The following UIMC1 variants were observed in gnomAD, a reference collection of about 807,000 sequenced individuals.
The protein encoded by UIMC1 is BRCA1-A complex subunit RAP80.
Under a neutral mutation model 84.9 loss-of-function variants are expected in UIMC1, and 42 were observed. That is an observed-to-expected ratio of 0.49 (90% CI 0.39 to 0.64). The LOEUF (loss-of-function observed/expected upper bound fraction) is 0.64. Among genes scored for constraint, UIMC1 ranks in the 30% least tolerant of loss-of-function variants. The pLI is 0.00. For missense variants in UIMC1, 825 were observed against 847.6 expected (o/e 0.97, Z 0.33); for synonymous variants, 281 against 293.0 (o/e 0.96, Z 0.42).
rs181011475 is a variant in UIMC1, at chr5:176,985,313, G to A, written c.-8-2690C>T. On this transcript the variant is annotated intron_variant, in intron 1 of 14. Transcript: ENST00000511320. ...TCTACTAAAAATACAAACATTAGCC[G>A]GGCGTGGTAGCGCATGCCTGTAATC... Among the ~76,000 whole-genome samples, 88 of 151,882 alleles carry A rather than the reference G, an allele frequency of 5.8e-4. No homozygotes were observed. The East Asian group carries it at 7.2e-3, about 12-fold the overall frequency.
At chr5:176,984,826 T>C (rs1057190898) in intron 1 of UIMC1, among the ~76,000 whole-genome samples, 3 of 152,214 alleles carry the variant, frequency 2.0e-5, no homozygotes, top group Middle Eastern at 3.2e-3. Flanking sequence ...ATGTGCTGTG[T>C]CAACTCAGGG....
chr5:176,908,427 G>T, intron 12 of UIMC1, 96 bp downstream of exon 12: 1 of 1,210,670 alleles, frequency 8.3e-7, no homozygotes, highest in Non-Finnish European at 1.1e-6. Context: ...GGGAAGAGGG[G>T]AGGGAGAAGA....
At chr5:177,004,947 G>A (rs1340392683) in intron 1 of UIMC1, among the ~76,000 whole-genome samples, 3 of 152,148 alleles carry the variant, frequency 2.0e-5, no homozygotes, top group Non-Finnish European at 2.9e-5. Context: ...CTGTCACCCA[G>A]GCTGGAGTGC....
chr5:176,905,451 T>G lies in UIMC1; in HGVS notation c.1991A>C (p.Glu664Ala). 1.2e-6 allele frequency: 2 copies of G among 1,614,142 alleles called. No homozygotes were observed. The highest frequency in any genetic ancestry group is 1.7e-6 in the Non-Finnish European group (2 of 1,180,002). ...PGMEEAGCSR[E>A]MQSSFTRRDL... ...ACGACGTGTGAAAGAACTCTGCATCTCTCTGCTGCAGCCTGCCTCTTCCAT... is the reference window on the plus strand; with the variant it reads ...ACGACGTGTGAAAGAACTCTGCATCGCTCTGCTGCAGCCTGCCTCTTCCAT... The change falls in exon 15 of 15, where the codon GAG becomes GCG. Residue 664 changes from glutamate to alanine, a missense_variant. Physicochemically the swap from Glu to Ala is moderately radical, Grantham distance 107. Transcript: ENST00000511320.
At chr5:176,989,748 T>C (rs1772528961) in intron 1 of UIMC1, among the ~76,000 whole-genome samples, 1 of 152,206 alleles carries the variant, frequency 6.6e-6, no homozygotes, top group Admixed American at 6.5e-5. Flanking sequence ...AGCTAGTTAT[T>C]ATTTAAGTAT....
At chr5:176,929,035 C>T (rs536780788) in intron 10 of UIMC1, among the ~76,000 whole-genome samples, 5 of 151,652 alleles carry the variant, frequency 3.3e-5, no homozygotes, top group Non-Finnish European at 7.4e-5. Context: ...GGGTAGATTA[C>T]GAGGTCAGGA....
At chr5:176,955,779 C>T (rs188672908) in intron 8 of UIMC1, among the ~76,000 whole-genome samples, 180 bp downstream of exon 8, 59 of 152,082 alleles carry the variant, frequency 3.9e-4, no homozygotes, top group Admixed American at 3.5e-3. Flanking sequence ...AGAATAAAAG[C>T]CAATGGCCAT....
At chr5:176,917,869 G>A (rs1761209013) in intron 10 of UIMC1, among the ~76,000 whole-genome samples, 1 of 152,162 alleles carries the variant, frequency 6.6e-6, no homozygotes, top group Non-Finnish European at 1.5e-5. Flanking sequence ...TGAGGCAGGA[G>A]AATTGCTTGA....
chr5:176,959,443 G>A (rs950816962), intron 6 of UIMC1, among the ~76,000 whole-genome samples: 4 of 152,108 alleles, frequency 2.6e-5, no homozygotes, highest in East Asian at 1.9e-4. Flanking sequence ...TTGGCCGGGC[G>A]CGGTGGCTCA....
chr5:176,970,939 T>C, intron 3 of UIMC1, 73 bp from the exon 4 acceptor site: 1 of 1,543,588 alleles, frequency 6.5e-7, no homozygotes. Context: ...AGAAAGAGAA[T>C]TATTAAACTT....
intron 9 of UIMC1, 75 bp from the exon 10 acceptor site, chr5:176,943,563 C>T: frequency 6.6e-7 from 1 of 1,525,180 alleles, no homozygotes; most frequent in South Asian, 1.3e-5. Flanking sequence ...CAAGAGACTC[C>T]ACCCCATATT....
chr5:176,937,701 T>G (rs6869225), intron 10 of UIMC1, among the ~76,000 whole-genome samples: 247 of 152,270 alleles, frequency 1.6e-3, no homozygotes, highest in African/African-American at 5.7e-3. Flanking sequence ...TAGGCATAAA[T>G]AGTAGACACT....
At chr5:176,937,942 G>A (rs1229365076) in intron 10 of UIMC1, among the ~76,000 whole-genome samples, 1 of 152,104 alleles carries the variant, frequency 6.6e-6, no homozygotes, top group East Asian at 1.9e-4. Flanking sequence ...TATAATCCCA[G>A]CACTTTGGGA....
intron 2 of UIMC1, among the ~76,000 whole-genome samples, chr5:176,979,853 C>G (rs923636183): frequency 1.3e-5 from 2 of 152,026 alleles, no homozygotes; most frequent in African/African-American, 4.8e-5. Flanking sequence ...ACCCAGAGAA[C>G]TAGTAAAGTA....
chr5:177,007,391 C>T (rs562675716), upstream of UIMC1, among the ~76,000 whole-genome samples: 4 of 150,088 alleles, frequency 2.7e-5, no homozygotes, highest in East Asian at 7.8e-4. Flanking sequence ...AATACAGACA[C>T]TCCTACAGGT....
intron 7 of UIMC1, among the ~76,000 whole-genome samples, chr5:176,957,087 T>C (rs1383088810): frequency 6.6e-6 from 1 of 152,144 alleles, no homozygotes; most frequent in Non-Finnish European, 1.5e-5. Context: ...CTACATCTGC[T>C]CTGCACAAGG....
chr5:176,905,934 T>C, intron 14 of UIMC1, 77 bp downstream of exon 14: 1 of 1,486,292 alleles, frequency 6.7e-7, no homozygotes, highest in South Asian at 1.1e-5. Flanking sequence ...AGTATCACAC[T>C]ACACACAGAA....
chr5:176,908,539 C>G lies in UIMC1; in HGVS notation c.1832G>C (p.Arg611Thr), dbSNP rs367619245. 4 of 1,613,726 alleles carry G rather than the reference C, an allele frequency of 2.5e-6. No individual in the cohort carries two copies. The African/African-American group carries it at 5.3e-5, about 22-fold the overall frequency. ...TACACATACCTTTGGGTTCTTCAGC[C>G]TCTGCTGCCACTTCCCCTCCACAGT... ...CSTVEGKWQQ[R>T]LKNPKEKGHS... Residue 611 changes from arginine (R) to threonine (T), a missense_variant, in exon 12 of 15, where the codon AGG becomes ACG. Transcript: ENST00000511320.
Position 176,906,017 on chromosome 5 carries a change from G to C in UIMC1, c.1943C>G (p.Ala648Gly), listed in dbSNP as rs147708784. 2.6e-5 allele frequency: 42 copies of C among 1,614,008 alleles called. No homozygotes were observed. In the Admixed American group the frequency reaches 3.8e-4, roughly 15 times the overall value. ...AGTGCACAATCCAATTCACCTGAAG[G>C]CTCCTGTTTCTGAAGACTTGATGTC... The part of the protein sequence containing the change: ...DADIKSSETG[A>G]FRVPSPGMEE... Residue 648 changes from alanine (A) to glycine (G), a missense_variant, in exon 14 of 15, where the codon GCC (alanine) becomes GGC (glycine). By Grantham distance (60) the Ala-to-Gly change is moderately conservative (BLOSUM62 0). Coordinates refer to ENST00000511320, the MANE Select transcript of UIMC1 (RefSeq NM_001199298.2).
Sources: gnomAD v4.1 joint callset for allele counts (sites outside exome capture counted in the v4.1 genomes callset) on GRCh38, gnomAD v4.1.1 for gene constraint, MANE v1.5 for transcripts, NCBI Gene and HGNC (gene_info 2026-07-23, HGNC 2026-07-21) for gene names.